The following IL36B variants were observed in gnomAD, a reference collection of about 807,000 sequenced individuals.
IL36B encodes interleukin 36 beta, also known as interleukin-36 beta.
Under a neutral mutation model 19.3 loss-of-function variants are expected in IL36B, and 23 were observed. The ratio of observed to expected loss-of-function variants is 1.19; its 90% CI spans 0.86 to 1.69. The LOEUF (loss-of-function observed/expected upper bound fraction) is 1.69, where lower values mean the gene tolerates loss of function less well. Ranked by LOEUF, IL36B falls within the 40% of genes most tolerant of loss-of-function variation. The probability of loss-of-function intolerance (pLI) is 0.00; values close to 1 mark genes in which losing one functional copy is unlikely to be tolerated. For missense variants in IL36B, 217 were observed against 200.5 expected, an observed-to-expected ratio of 1.08 and a Z score of -0.50; for synonymous variants, 59 against 59.7, an observed-to-expected ratio of 0.99 and a Z score of 0.05.
At chr2:113,047,597 G>C (rs1685371214) in intron 1 of IL36B, among the ~76,000 whole-genome samples, 1 of 152,200 alleles carries the variant, frequency 6.6e-6, no homozygotes, top group African/African-American at 2.4e-5. Context: ...ACTTAAGCAA[G>C]ATCCTTCTGA....
chr2:113,028,612 A>G (rs1033400835), intron 4 of IL36B, among the ~76,000 whole-genome samples: 3 of 152,216 alleles, frequency 2.0e-5, no homozygotes, highest in Non-Finnish European at 4.4e-5. Context: ...CCTTTGGTGT[A>G]GTGAGAGCAT....
intron 1 of IL36B, among the ~76,000 whole-genome samples, chr2:113,050,345 C>CAA (rs79717470): frequency 2.1e-5 from 3 of 145,972 alleles, no homozygotes; most frequent in African/African-American, 4.9e-5. Context: ...AAACTAATAA[C>CAA]AAAAAAAAAA....
intron 1 of IL36B, among the ~76,000 whole-genome samples, chr2:113,037,502 A>T (rs1475124001): frequency 1.3e-5 from 2 of 152,152 alleles, no homozygotes; most frequent in African/African-American, 4.8e-5. Flanking sequence ...ATACAAAATT[A>T]GCCAGGCGTG....
At chr2:113,030,187 G>A (rs777530805) in intron 3 of IL36B, among the ~76,000 whole-genome samples, 2 of 151,846 alleles carry the variant, frequency 1.3e-5, no homozygotes, top group African/African-American at 2.4e-5. Flanking sequence ...AGCTGAGATC[G>A]TGCCATTGCA....
intron 1 of IL36B, among the ~76,000 whole-genome samples, chr2:113,046,445 G>A (rs1004657772): frequency 1.1e-4 from 16 of 152,056 alleles, no homozygotes; most frequent in Admixed American, 5.9e-4. Flanking sequence ...TCCTGACCTC[G>A]TGATCCGCCC....
intron 1 of IL36B, among the ~76,000 whole-genome samples, chr2:113,037,581 G>A (rs570173607): frequency 9.6e-4 from 146 of 151,960 alleles, no homozygotes; most frequent in South Asian, 5.2e-3. Flanking sequence ...CCCAGGAGGC[G>A]GAGGTTGCGG....
intron 1 of IL36B, among the ~76,000 whole-genome samples, chr2:113,048,156 G>T (rs1685379424): frequency 6.6e-6 from 1 of 152,210 alleles, no homozygotes. Flanking sequence ...AAGGTAAGAA[G>T]GTGGAGAAAG....
chr2:113,033,775 T>C (rs966748327), intron 1 of IL36B, among the ~76,000 whole-genome samples: 1 of 152,176 alleles, frequency 6.6e-6, no homozygotes, highest in Admixed American at 6.5e-5. Context: ...GAAAAATCTA[T>C]AATGTGTCCA....
chr2:113,034,254 C>T (rs539023720), intron 1 of IL36B, among the ~76,000 whole-genome samples: 20 of 152,276 alleles, frequency 1.3e-4, no homozygotes, highest in Non-Finnish European at 2.2e-4. Flanking sequence ...CTTATCTTCG[C>T]CTGCAGGGAG....
At chr2:113,040,717 G>A (rs956804184) in intron 1 of IL36B, among the ~76,000 whole-genome samples, 2 of 152,148 alleles carry the variant, frequency 1.3e-5, no homozygotes, top group Non-Finnish European at 2.9e-5. Flanking sequence ...ACTACAAAGT[G>A]TTACTGAGAG....
rs568378019 is a variant in IL36B at position 113,040,499 on chromosome 2, A to G, written c.-57-8733T>C. Among the ~76,000 whole-genome samples the G allele has an allele frequency of 8.5e-5, 13 of 152,220 alleles. No homozygotes were observed. The South Asian group carries it at 2.3e-3, about 27-fold the overall frequency. ...TATGATTGTTTATATAGAAAATCCT[A>G]AGAAATCCACATAACAACTACTAGA... is the stretch of plus-strand genomic sequence containing the variant. On this transcript the variant is annotated intron_variant, in intron 1 of 5. Transcript: ENST00000259213.
chr2:113,036,234 C>T (rs1000195479), intron 1 of IL36B, among the ~76,000 whole-genome samples: 13 of 151,934 alleles, frequency 8.6e-5, no homozygotes, highest in Non-Finnish European at 1.8e-4. Context: ...CGTGAGCCAG[C>T]GTACCAGGCC....
chr2:113,030,628 A>T (rs1008084931), intron 3 of IL36B, among the ~76,000 whole-genome samples: 2 of 152,196 alleles, frequency 1.3e-5, no homozygotes, highest in Non-Finnish European at 2.9e-5. Flanking sequence ...TTTTGATGGG[A>T]GAAAGGAATA....
chr2:113,035,270 A>G (rs964240119), intron 1 of IL36B, among the ~76,000 whole-genome samples: 1 of 152,190 alleles, frequency 6.6e-6, no homozygotes, highest in Admixed American at 6.5e-5. Context: ...GAAGACAGAC[A>G]GGGTGACACT....
chr2:113,052,150 A>G (rs1023660043), intron 1 of IL36B, among the ~76,000 whole-genome samples: 2 of 151,550 alleles, frequency 1.3e-5, no homozygotes, highest in Non-Finnish European at 2.9e-5. Context: ...GGGTTTCTTC[A>G]TGTTTGCCAG....
At chr2:113,035,028 C>T (rs1466276324) in intron 1 of IL36B, among the ~76,000 whole-genome samples, 1 of 152,226 alleles carries the variant, frequency 6.6e-6, no homozygotes. Context: ...TATGGGGTCA[C>T]ATTCCTTGGA....
intron 1 of IL36B, among the ~76,000 whole-genome samples, chr2:113,045,310 T>C (rs1227140803): frequency 1.3e-5 from 2 of 152,170 alleles, no homozygotes; most frequent in African/African-American, 4.8e-5. Flanking sequence ...TTCTCACTTG[T>C]ATTGATTCTG....
intron 1 of IL36B, among the ~76,000 whole-genome samples, chr2:113,043,903 G>A (rs1441970711): frequency 6.6e-6 from 1 of 152,140 alleles, no homozygotes. Context: ...TCATATATGT[G>A]TAAGTCTATT....
chr2:113,028,097 G>A (rs1219624535), intron 4 of IL36B: 4 of 1,613,908 alleles, frequency 2.5e-6, no homozygotes, highest in South Asian at 1.1e-5. Flanking sequence ...TCCACATACA[G>A]GTCCATGATA....
Sources: allele counts gnomAD v4.1 joint callset (sites outside exome capture counted in the v4.1 genomes callset), GRCh38; gene constraint gnomAD v4.1.1; transcripts MANE v1.5; gene names NCBI Gene and HGNC (gene_info 2026-07-23, HGNC 2026-07-21).